The following TEKT3 variants were observed in gnomAD, a reference collection of about 807,000 sequenced individuals.
TEKT3 encodes tektin 3.
TEKT3 carries 49 observed loss-of-function variants against 49.8 expected under a neutral mutation model. The observed-to-expected ratio is 0.98, with a 90% CI of 0.78 to 1.25. TEKT3 has a LOEUF of 1.25. TEKT3 is among the 50% of genes most tolerant of loss of function. TEKT3 has a pLI of 0.00. For synonymous variants in TEKT3, 225 were observed against 237.2 expected (o/e 0.95, Z 0.47); for missense variants, 595 against 629.5 (o/e 0.95, Z 0.59).
At chr17:15,325,138 C>T (rs1911436727) in intron 4 of TEKT3, among the ~76,000 whole-genome samples, 1 of 152,236 alleles carries the variant, frequency 6.6e-6, no homozygotes, top group African/African-American at 2.4e-5. Context: ...ACTACACTGT[C>T]TTACATATTG....
intron 4 of TEKT3, chr17:15,327,691 G>A (rs952006972): frequency 2.3e-5 from 7 of 308,192 alleles, no homozygotes; most frequent in South Asian, 1.1e-4. Context: ...AAGATGCAAC[G>A]GAATGGTAGA....
chr17:15,330,818 A>G (rs1911691451), intron 3 of TEKT3, among the ~76,000 whole-genome samples, 189 bp downstream of exon 3: 1 of 152,136 alleles, frequency 6.6e-6, no homozygotes, highest in Non-Finnish European at 1.5e-5. Flanking sequence ...TTGTTCTTAA[A>G]GTATATAATG....
chr17:15,319,268 CA>C, intron 4 of TEKT3, 121 bp from the exon 5 acceptor site: 2 of 775,824 alleles, frequency 2.6e-6, no homozygotes, highest in South Asian at 4.2e-5. Context: ...TGAAGTTAAA[CA>C]AGAAAACAAT....
chr17:15,314,221 T>C lies in TEKT3; in HGVS notation c.744A>G (p.Arg248=). The change falls in exon 6 of 9, where the codon AGA becomes AGG. Residue 248 remains arginine (R), a synonymous_variant. Coordinates refer to ENST00000395930, the MANE Select transcript of TEKT3 (RefSeq NM_031898.3). ...DKAIAQLAAN[R]ASQHELEKDL... is the part of the protein sequence containing the mutation. ...CCTTTTCCAGCTCATGCTGGGACGC[T>C]CTGTTGGCTCTGCAATACAGAGTCG... 3.1e-6 allele frequency: 5 copies of C among 1,614,212 alleles called. No homozygotes were observed. The highest frequency in any genetic ancestry group is 4.2e-6 in the Non-Finnish European group (5 of 1,180,042).
At position 15,304,077 on chromosome 17, in the gene TEKT3, G is replaced by A. The variant is rs1370003437; in HGVS notation, c.1332C>T (p.Thr444=). 6 of 1,613,928 alleles carry A rather than the reference G, an allele frequency of 3.7e-6. No homozygotes were observed. The highest frequency in any genetic ancestry group is 2.2e-5 in the South Asian group (2 of 91,070). Residue 444 remains threonine, a synonymous_variant, in exon 9 of 9, where the codon ACC becomes ACT. Transcript: ENST00000395930. This position sits in a 1 kb window ranked among gnomAD's most constrained non-coding sequence, Gnocchi z 4.7. ...LQQRLRDAED[T]LQSLVHIKAT... is the part of the protein sequence containing the mutation. ...CTTTGATGTGGACCAGCGACTGCAGGGTGTCCTCTGCATCCCTCAGGCGCT... is the reference window on the plus strand; with the variant it reads ...CTTTGATGTGGACCAGCGACTGCAGAGTGTCCTCTGCATCCCTCAGGCGCT...
At chr17:15,305,398 G>A (rs1910501331) in intron 8 of TEKT3, among the ~76,000 whole-genome samples, 1 of 152,194 alleles carries the variant, frequency 6.6e-6, no homozygotes, top group Non-Finnish European at 1.5e-5. Context: ...AAGTGCCAAA[G>A]TTTGGTTTTG....
chr17:15,322,230 A>G (rs1911299464), intron 4 of TEKT3, among the ~76,000 whole-genome samples: 1 of 152,176 alleles, frequency 6.6e-6, no homozygotes, highest in Non-Finnish European at 1.5e-5. Flanking sequence ...CACATTTTTT[A>G]CAAAATTAAA....
chr17:15,320,187 C>T (rs1306407641), intron 4 of TEKT3, among the ~76,000 whole-genome samples: 2 of 152,182 alleles, frequency 1.3e-5, no homozygotes, highest in Non-Finnish European at 2.9e-5. Flanking sequence ...CACACCCCCA[C>T]CACCCCACCA....
chr17:15,315,479 G>T (rs1375372758), intron 5 of TEKT3, among the ~76,000 whole-genome samples: 1 of 152,072 alleles, frequency 6.6e-6, no homozygotes, highest in Non-Finnish European at 1.5e-5. Flanking sequence ...AGATGAAGGC[G>T]GCTTGGACCA....
chr17:15,328,063 A>C lies in TEKT3; in HGVS notation c.592T>G (p.Cys198Gly), dbSNP rs753152937. ...TEAPLQVARECLFHREKRMGI... is the reference protein window; with the variant it reads ...TEAPLQVAREGLFHREKRMGI... ...ATTCTCTTTTCTCGATGAAATAGAC[A>C]TTCTCGGGCTACCTACAGATACACA... The change falls in exon 4 of 9, where the codon TGT (cysteine) becomes GGT (glycine). Residue 198 changes from cysteine to glycine, a missense_variant. Coordinates refer to ENST00000395930, the MANE Select transcript of TEKT3 (RefSeq NM_031898.3). 1.2e-6 allele frequency: 2 copies of C among 1,614,006 alleles called. No individual in the cohort carries two copies.
intron 4 of TEKT3, among the ~76,000 whole-genome samples, chr17:15,326,868 A>G (rs1597414807): frequency 6.6e-6 from 1 of 152,282 alleles, no homozygotes; most frequent in East Asian, 1.9e-4. Flanking sequence ...TTAGAACTAA[A>G]CCAGATTTAA....
At position 15,331,598 on chromosome 17, in the gene TEKT3, C is replaced by T. The variant is rs776781196; in HGVS notation, c.-13G>A. On this transcript the variant is annotated 5_prime_UTR_variant, in exon 3 of 9. In the 5' UTR this introduces an upstream ATG that the reference lacks. Coordinates refer to ENST00000395930, the MANE Select transcript of TEKT3 (RefSeq NM_031898.3). ...CTACACGTTCCATGATGCCAAAACA[C>T]TATTTGTAAATCTCTCCTGTTAAAA... 1 of 1,593,004 alleles carries T rather than the reference C, an allele frequency of 6.3e-7. No homozygotes were observed. The highest frequency in any genetic ancestry group is 8.6e-7 in the Non-Finnish European group (1 of 1,168,286).
chr17:15,305,694 A>T (rs548823020), intron 8 of TEKT3, among the ~76,000 whole-genome samples: 5 of 151,762 alleles, frequency 3.3e-5, no homozygotes, highest in African/African-American at 1.2e-4. Context: ...AGGATGATAT[A>T]TGTGTCTTTA....
At chr17:15,336,790 T>G (rs1377654260) in intron 2 of TEKT3, among the ~76,000 whole-genome samples, 1 of 152,182 alleles carries the variant, frequency 6.6e-6, no homozygotes, top group Non-Finnish European at 1.5e-5. Context: ...TTGCAAACTT[T>G]AGAATAGCCA....
intron 2 of TEKT3, among the ~76,000 whole-genome samples, chr17:15,337,792 G>A (rs1179080206): frequency 6.6e-6 from 1 of 152,180 alleles, no homozygotes; most frequent in Non-Finnish European, 1.5e-5. Context: ...AGTGAGCCGA[G>A]ATCATGCCAC....
chr17:15,333,819 G>A (rs972268099), intron 2 of TEKT3, among the ~76,000 whole-genome samples: 1 of 151,716 alleles, frequency 6.6e-6, no homozygotes, highest in Non-Finnish European at 1.5e-5. Flanking sequence ...CAGTGCAGTG[G>A]CATGATCTCG....
intron 6 of TEKT3, 38 bp downstream of exon 6, chr17:15,314,049 G>A (rs759229095): frequency 2.5e-5 from 41 of 1,613,448 alleles, no homozygotes; most frequent in Non-Finnish European, 3.4e-5. Flanking sequence ...AGAGTTAAAT[G>A]ACATCGAAAT....
In TEKT3 at chr17:15,312,378, G is replaced by A; in HGVS notation, c.982C>T (p.Leu328Phe). Reference protein sequence around the residue: ...SAKLRDDIENLLVVTANEMWN... With the variant: ...SAKLRDDIENFLVVTANEMWN... Reference sequence around the variant, plus strand: ...ATCTCATTGGCAGTCACAACCAAGAGGTTTTCAATGTCGTCTCTTAGCTTA... The same window carrying A: ...ATCTCATTGGCAGTCACAACCAAGAAGTTTTCAATGTCGTCTCTTAGCTTA... The change falls in exon 7 of 9, where the codon CTC becomes TTC. Residue 328 changes from leucine to phenylalanine, a missense_variant. Physicochemically the swap from Leu to Phe is conservative, Grantham distance 22 (BLOSUM62 0). Transcript: ENST00000395930. The A allele has an allele frequency of 1.2e-6, 2 of 1,614,224 alleles. No individual in the cohort carries two copies. The highest frequency in any genetic ancestry group is 1.1e-5 in the South Asian group (1 of 91,080).
chr17:15,321,058 G>A (rs953834432), intron 4 of TEKT3, among the ~76,000 whole-genome samples: 66 of 149,600 alleles, frequency 4.4e-4, no homozygotes, highest in African/African-American at 1.5e-3. Context: ...CTCCCAGGCC[G>A]GAGTGCAGTG....
Sources: allele counts gnomAD v4.1 joint callset (sites outside exome capture counted in the v4.1 genomes callset), GRCh38; gene constraint gnomAD v4.1.1; non-coding constraint Gnocchi (gnomAD v3.1); transcripts MANE v1.5; gene names NCBI Gene and HGNC (gene_info 2026-07-23, HGNC 2026-07-21).